Variants in COL14A1 observed in about 807,000 individuals in gnomAD.
COL14A1 encodes the protein collagen type XIV alpha 1 chain.
A neutral mutation model predicts 230.3 loss-of-function variants in COL14A1; 136 were observed. The observed-to-expected ratio is 0.59, with a 90% CI of 0.51 to 0.68. The LOEUF is 0.68. Ranked by LOEUF, COL14A1 falls within the 30% of genes least tolerant of loss-of-function variation. The probability of loss-of-function intolerance (pLI) is 0.00; values close to 1 mark genes in which losing one functional copy is unlikely to be tolerated. For missense variants in COL14A1, 1,976 were observed against 2,215.8 expected, an observed-to-expected ratio of 0.89 and a Z score of 2.17; for synonymous variants, 792 against 784.1, an observed-to-expected ratio of 1.01 and a Z score of -0.17.
intron 1 of COL14A1, among the ~76,000 whole-genome samples, chr8:120,136,873 G>A (rs1254367250): frequency 7.0e-6 from 1 of 142,778 alleles, no homozygotes; most frequent in Non-Finnish European, 1.5e-5. Context: ...GCTGAGACAG[G>A]AGAATTGCTT....
chr8:120,188,437 G>A lies in COL14A1; in HGVS notation c.437-8354G>A, dbSNP rs143671462. ...TCCAAATATGAAATGTTAAGAAATCGCTAGTTCTTCCAACTCTTCTCATCA... is the reference window on the plus strand; with the variant it reads ...TCCAAATATGAAATGTTAAGAAATCACTAGTTCTTCCAACTCTTCTCATCA... On this transcript the variant is annotated intron_variant, in intron 5 of 47. Coordinates refer to ENST00000297848, the MANE Select transcript of COL14A1 (RefSeq NM_021110.4). 3.5e-3 allele frequency among the ~76,000 whole-genome samples: 528 copies of A among 152,156 alleles called. 2 individuals are homozygous for A. Among genetic ancestry groups the A allele is most frequent in the African/African-American group, 0.012 (499 of 41,510 alleles).
chr8:120,285,812 T>C (rs769307247), intron 32 of COL14A1, 49 bp from the exon 33 acceptor site: 4 of 1,232,712 alleles, frequency 3.2e-6, no homozygotes, highest in Non-Finnish European at 4.6e-6. Flanking sequence ...GAAAACAAAA[T>C]TCACCTACTT....
chr8:120,320,104 C>T (rs1821386556), intron 40 of COL14A1, among the ~76,000 whole-genome samples: 1 of 151,998 alleles, frequency 6.6e-6, no homozygotes, highest in African/African-American at 2.4e-5. Flanking sequence ...CTAGGAAGAA[C>T]AGGCAAGACA....
chr8:120,313,422 A>T (rs989104492), intron 37 of COL14A1, among the ~76,000 whole-genome samples: 1 of 152,186 alleles, frequency 6.6e-6, no homozygotes, highest in African/African-American at 2.4e-5. Flanking sequence ...CATTCAGTGG[A>T]CATTGAAGAA....
chr8:120,213,618 C>A (rs764288715), intron 13 of COL14A1, among the ~76,000 whole-genome samples: 3 of 152,174 alleles, frequency 2.0e-5, no homozygotes, highest in Non-Finnish European at 2.9e-5. Context: ...AAAGCATCCA[C>A]CACATAAGTG....
intron 1 of COL14A1, among the ~76,000 whole-genome samples, chr8:120,142,535 C>T (rs1412389576): frequency 6.6e-6 from 1 of 152,144 alleles, no homozygotes; most frequent in Non-Finnish European, 1.5e-5. Context: ...ATGGTAGTCA[C>T]TTAATATGTT....
Position 120,182,004 on chromosome 8 carries a change from T to C in COL14A1, c.436+13757T>C, listed in dbSNP as rs532713544. ...TTATGCACTCCTGATGACAATCAGA[T>C]GAAATTCTTCTAGCGTTAGACCTCC... On this transcript the variant is annotated intron_variant, in intron 5 of 47. Coordinates refer to ENST00000297848, the MANE Select transcript of COL14A1 (RefSeq NM_021110.4). Among the ~76,000 whole-genome samples the C allele has an allele frequency of 5.3e-5, 8 of 152,214 alleles. 1 individual carries two copies. The South Asian group carries it at 1.2e-3, about 24-fold the overall frequency.
chr8:120,192,284 T>C (rs976987479), intron 5 of COL14A1, among the ~76,000 whole-genome samples: 33 of 152,316 alleles, frequency 2.2e-4, no homozygotes, highest in African/African-American at 7.2e-4. Flanking sequence ...TTAAAGTATT[T>C]TATTTCTCCT....
chr8:120,250,731 G>C lies in COL14A1; in HGVS notation c.2717G>C (p.Gly906Ala), dbSNP rs1225565454. Residue 906 changes from glycine (G) to alanine (A), a missense_variant, in exon 22 of 48, where the codon GGC becomes GCC. By Grantham distance (60) the Gly-to-Ala change is moderately conservative (BLOSUM62 0). This residue lies in a region of COL14A1 where 1,791 missense variants were observed against 2,019.5 expected (regional missense o/e 0.89). Coordinates refer to ENST00000297848, the MANE Select transcript of COL14A1 (RefSeq NM_021110.4). ...AAGATATTTGCCTCCCAGGCCTCAG[G>C]CTTCAGCGACGCCCTGACAGGCATG... Reference protein sequence around the residue: ...NVKIFASQASGFSDALTGMVK... With the variant: ...NVKIFASQASAFSDALTGMVK... 1 of 1,614,194 alleles carries C rather than the reference G, an allele frequency of 6.2e-7. No homozygotes were observed. Among genetic ancestry groups the C allele is most frequent in the Non-Finnish European group, 8.5e-7 (1 of 1,180,048 alleles).
chr8:120,353,364 G>A (rs1822839600), intron 45 of COL14A1, among the ~76,000 whole-genome samples: 1 of 83,968 alleles, frequency 1.2e-5, no homozygotes, highest in Non-Finnish European at 2.3e-5. Context: ...CAAAAGCAAT[G>A]GCAACAAAAG....
chr8:120,331,395 T>C (rs1247392934), intron 40 of COL14A1, among the ~76,000 whole-genome samples: 1 of 152,236 alleles, frequency 6.6e-6, no homozygotes, highest in African/African-American at 2.4e-5. Flanking sequence ...TTAAATTAAC[T>C]GCTTTGGAAA....
Position 120,243,838 on chromosome 8 carries a change from CG to C in COL14A1, c.2350-38del, listed in dbSNP as rs1586798328. On this transcript the variant is annotated intron_variant, in intron 19 of 47. Coordinates refer to ENST00000297848, the MANE Select transcript of COL14A1 (RefSeq NM_021110.4). Reference sequence around the variant, plus strand: ...TGCTCCATTACCAAATCAGTGGAAACGGGTCTCACTAAGACTGCAGTCCTTT... The same window carrying C: ...TGCTCCATTACCAAATCAGTGGAAACGGTCTCACTAAGACTGCAGTCCTTT... 4.4e-6 allele frequency: 7 copies of C among 1,601,882 alleles called. No individual in the cohort carries two copies. The East Asian group carries it at 1.6e-4, about 36-fold the overall frequency.
At chr8:120,249,874 G>A (rs781616375) in intron 21 of COL14A1, among the ~76,000 whole-genome samples, 8 of 152,186 alleles carry the variant, frequency 5.3e-5, no homozygotes, top group Non-Finnish European at 1.0e-4. Context: ...ACATATAAAT[G>A]TATTGTTGGA....
chr8:120,185,796 GAGTTTTGCTCTTGTTGC>G (rs1816633108), intron 5 of COL14A1, among the ~76,000 whole-genome samples: 1 of 152,058 alleles, frequency 6.6e-6, no homozygotes, highest in Non-Finnish European at 1.5e-5. Context: ...TTTTGAGATG[GAGTTTTGCTCTTGTTGC>G]CCAGGCTGCA....
At chr8:120,255,116 G>C (rs1563699117) in intron 22 of COL14A1, 124 bp from the exon 23 acceptor site, 1 of 735,678 alleles carries the variant, frequency 1.4e-6, no homozygotes. Flanking sequence ...ATTGTAAATT[G>C]ATGGATTTCC....
rs1302212927 is a variant in COL14A1, at chr8:120,125,179, G to A, written c.-199G>A. 1 of 152,764 alleles carries A rather than the reference G, an allele frequency of 6.5e-6. No homozygotes were observed. Among genetic ancestry groups the A allele is most frequent in the Non-Finnish European group, 1.5e-5 (1 of 68,474 alleles). The allele number at this position is 152,764 out of a possible 1,614,324, so 9.5% of individuals were successfully genotyped here. A position where few individuals can be genotyped will look rare whatever the true frequency, so the allele number is the denominator to read the frequency against. ...GGCTGGAAGTGGAAGCGCAGCGGCA[G>A]AAGGAGAGGGAGAGAGAAAGAGAGA... On this transcript the variant is annotated 5_prime_UTR_variant, in exon 1 of 48. Transcript: ENST00000297848.
chr8:120,361,550 CACAA>C (rs2130368214), intron 45 of COL14A1, among the ~76,000 whole-genome samples: 1 of 152,328 alleles, frequency 6.6e-6, no homozygotes, highest in Admixed American at 6.5e-5. Context: ...TAGGCATTCA[CACAA>C]ACATTGAGTG....
chr8:120,236,303 G>T (rs1014619090), intron 19 of COL14A1, among the ~76,000 whole-genome samples: 4 of 151,666 alleles, frequency 2.6e-5, no homozygotes, highest in African/African-American at 9.7e-5. Context: ...GTGCTCCTGT[G>T]TTGGGTGCAT....
chr8:120,127,437 T>G (rs1451650789), intron 1 of COL14A1, among the ~76,000 whole-genome samples: 1 of 152,172 alleles, frequency 6.6e-6, no homozygotes, highest in Non-Finnish European at 1.5e-5. Context: ...CTGGAGCAGT[T>G]TTGGATGGAT....
Sources: gnomAD v4.1 joint callset for allele counts (sites outside exome capture counted in the v4.1 genomes callset) on GRCh38, gnomAD v4.1.1 for gene constraint, gnomAD v4.1.1 regional missense constraint, MANE v1.5 for transcripts, NCBI Gene and HGNC (gene_info 2026-07-23, HGNC 2026-07-21) for gene names.